HPSE2: variants seen among roughly 807,000 people sequenced by gnomAD.
HPSE2 encodes inactive heparanase-2.
HPSE2 carries 38 observed loss-of-function variants against 60.5 expected under a neutral mutation model. That is an observed-to-expected ratio of 0.63 (90% confidence interval 0.48 to 0.82). The LOEUF (loss-of-function observed/expected upper bound fraction) is 0.82, where lower values mean the gene tolerates loss of function less well. Ranked by LOEUF, HPSE2 falls within the 40% of genes least tolerant of loss-of-function variation. HPSE2 has a pLI of 0.00. For missense variants in HPSE2, 713 were observed against 740.4 expected, an observed-to-expected ratio of 0.96 and a Z score of 0.43; for synonymous variants, 295 against 293.2, an observed-to-expected ratio of 1.01 and a Z score of -0.06.
intron 3 of HPSE2, among the ~76,000 whole-genome samples, chr10:99,134,176 A>T (rs1158481042): frequency 1.3e-5 from 2 of 152,180 alleles, no homozygotes; most frequent in East Asian, 3.8e-4. Flanking sequence ...GAGAAAAAAG[A>T]ATAAAAAGGA....
At chr10:99,149,118 A>T (rs965418643) in intron 2 of HPSE2, among the ~76,000 whole-genome samples, 29 of 152,208 alleles carry the variant, frequency 1.9e-4, no homozygotes, top group Non-Finnish European at 5.9e-5. Flanking sequence ...CATACAGAAG[A>T]AATAGTTGAC....
intron 3 of HPSE2, among the ~76,000 whole-genome samples, chr10:98,887,072 T>C (rs1390469635): frequency 6.6e-6 from 1 of 152,108 alleles, no homozygotes; most frequent in African/African-American, 2.4e-5. Flanking sequence ...GTCACAAAGT[T>C]GAAATGATTA....
intron 3 of HPSE2, among the ~76,000 whole-genome samples, chr10:99,011,428 T>G (rs1239145754): frequency 1.3e-5 from 2 of 152,010 alleles, no homozygotes; most frequent in African/African-American, 4.8e-5. Flanking sequence ...TGCTAAAACG[T>G]ATCAGTTTGG....
At chr10:98,564,523 T>C (rs1276437319) in intron 9 of HPSE2, among the ~76,000 whole-genome samples, 4 of 152,356 alleles carry the variant, frequency 2.6e-5, no homozygotes, top group African/African-American at 4.8e-5. Context: ...ATTTCTTGTA[T>C]ACAATCTGAA....
At chr10:99,218,349 G>A (rs1218772321) in intron 2 of HPSE2, among the ~76,000 whole-genome samples, 1 of 151,652 alleles carries the variant, frequency 6.6e-6, no homozygotes, top group African/African-American at 2.4e-5. Context: ...GAAGGTGGGG[G>A]AGCATAGTTT....
intron 6 of HPSE2, among the ~76,000 whole-genome samples, chr10:98,687,271 T>C (rs2484941): frequency 0.95 from 145,353 of 152,238 alleles, 69,723 homozygotes; most frequent in East Asian, 1. Flanking sequence ...AAGGGAAAAT[T>C]CATATTCTTG....
chr10:98,579,173 T>C (rs1052987980), intron 9 of HPSE2, among the ~76,000 whole-genome samples: 10 of 152,162 alleles, frequency 6.6e-5, no homozygotes, highest in Non-Finnish European at 1.2e-4. Flanking sequence ...GCAGCTCTGA[T>C]GCAGTCCCAT....
At chr10:98,775,129 A>G (rs762918806) in intron 3 of HPSE2, among the ~76,000 whole-genome samples, 2 of 152,228 alleles carry the variant, frequency 1.3e-5, no homozygotes, top group Non-Finnish European at 2.9e-5. Flanking sequence ...TATTAAATGG[A>G]GCTGAGAGAA....
chr10:99,294,687 A>G, the HPSE2 span, among the ~76,000 whole-genome samples: 1 of 151,948 alleles, frequency 6.6e-6, no homozygotes, highest in South Asian at 2.1e-4. Flanking sequence ...TAATCTCAGC[A>G]CTTTGGGAGG....
At position 99,144,115 on chromosome 10, in the gene HPSE2, TAGAA is replaced by T. The variant is rs1845964172; in HGVS notation, c.610+119_610+122del. ...TGCAAACTACAAGGAATATTTGTAATAGAAAGACAAGTCATCACAATTTAAAAAG... is the reference window on the plus strand; with the variant it reads ...TGCAAACTACAAGGAATATTTGTAATAGACAAGTCATCACAATTTAAAAAG... On this transcript the variant is annotated intron_variant, in intron 3 of 11. Coordinates refer to ENST00000370552, the MANE Select transcript of HPSE2 (RefSeq NM_021828.5). The T allele has an allele frequency of 4.1e-6, 4 of 982,274 alleles. No homozygotes were observed. In the African/African-American group the frequency reaches 4.8e-5, roughly 12 times the overall value. 60.8% of individuals were successfully genotyped at this position (982,274 alleles called of 1,614,324 possible).
At chr10:98,631,976 CA>C (rs1409955960) in intron 7 of HPSE2, among the ~76,000 whole-genome samples, 4 of 152,086 alleles carry the variant, frequency 2.6e-5, no homozygotes. Flanking sequence ...GTTCTTTCAC[CA>C]AGAACATTCA....
chr10:99,151,821 C>CCTG (rs1846276288), intron 2 of HPSE2, among the ~76,000 whole-genome samples: 1 of 152,140 alleles, frequency 6.6e-6, no homozygotes, highest in African/African-American at 2.4e-5. Flanking sequence ...GAAGCTGAAA[C>CCTG]AGGAGGACTG....
intron 6 of HPSE2, among the ~76,000 whole-genome samples, chr10:98,654,548 T>C (rs185455313): frequency 1.1e-4 from 17 of 152,366 alleles, no homozygotes; most frequent in African/African-American, 3.6e-4. Flanking sequence ...TTTGTGACAA[T>C]GTTTTTTATT....
intron 2 of HPSE2, among the ~76,000 whole-genome samples, chr10:99,217,287 T>A (rs1455049964): frequency 6.7e-6 from 1 of 149,904 alleles, no homozygotes; most frequent in Admixed American, 6.6e-5. Flanking sequence ...GGAAGTTTGT[T>A]AGAAATTCGG....
At chr10:99,068,578 A>C (rs577792702) in intron 3 of HPSE2, among the ~76,000 whole-genome samples, 6 of 152,338 alleles carry the variant, frequency 3.9e-5, no homozygotes, top group Admixed American at 3.3e-4. Context: ...CCACATGTGG[A>C]TTATTACAAT....
intron 3 of HPSE2, among the ~76,000 whole-genome samples, chr10:98,789,403 T>TA (rs1352277038): frequency 6.6e-6 from 1 of 152,148 alleles, no homozygotes; most frequent in Non-Finnish European, 1.5e-5. Flanking sequence ...AAATCCTGAG[T>TA]AAGAGTCTGG....
At chr10:99,254,957 G>C in the HPSE2 span, among the ~76,000 whole-genome samples, 1 of 152,144 alleles carries the variant, frequency 6.6e-6, no homozygotes, top group Non-Finnish European at 1.5e-5. Context: ...AGTTTCTTCT[G>C]AAGGTGATGA....
At chr10:98,580,824 T>TTATATATATATATATATATATATATATA (rs779671429) in intron 9 of HPSE2, among the ~76,000 whole-genome samples, 49 of 128,540 alleles carry the variant, frequency 3.8e-4, no homozygotes, top group Non-Finnish European at 4.4e-4. Flanking sequence ...GTGCTTGGTT[T>TTATATATATATATATATATATATATATA]TATATATATA....
chr10:98,797,142 A>C (rs1337941137), intron 3 of HPSE2, among the ~76,000 whole-genome samples: 1 of 152,204 alleles, frequency 6.6e-6, no homozygotes, highest in African/African-American at 2.4e-5. Flanking sequence ...AAATGAACTA[A>C]ATGAGGCACC....
Sources: gnomAD v4.1 joint callset for allele counts (sites outside exome capture counted in the v4.1 genomes callset) on GRCh38, gnomAD v4.1.1 for gene constraint, MANE v1.5 for transcripts, NCBI Gene and HGNC (gene_info 2026-07-23, HGNC 2026-07-21) for gene names.